Variants in DNAAF11 observed in about 807,000 individuals in gnomAD.
DNAAF11 encodes the protein dynein axonemal assembly factor 11.
DNAAF11 carries 45 observed loss-of-function variants against 60.8 expected under a neutral mutation model. The ratio of observed to expected loss-of-function variants is 0.74; its 90% CI spans 0.58 to 0.95. The LOEUF (loss-of-function observed/expected upper bound fraction) is 0.95, where lower values mean the gene tolerates loss of function less well. Among genes scored for constraint, DNAAF11 ranks in the 40% least tolerant of loss-of-function variants. The pLI is 0.00. For synonymous variants in DNAAF11, 191 were observed against 183.5 expected (o/e 1.04, Z -0.33); for missense variants, 546 against 546.2 (o/e 1.00, Z 0.00).
the DNAAF11 span, among the ~76,000 whole-genome samples, chr8:132,686,809 G>A: frequency 6.6e-6 from 1 of 152,202 alleles, no homozygotes; most frequent in Admixed American, 6.5e-5. Context: ...GAAGAATGGA[G>A]AAGGAATGGA....
intron 1 of DNAAF11, among the ~76,000 whole-genome samples, chr8:132,670,917 A>G (rs915393354): frequency 2.0e-5 from 3 of 152,162 alleles, no homozygotes; most frequent in African/African-American, 4.8e-5. Context: ...TTTTAAAAAG[A>G]CAACAACTCG....
At chr8:132,612,840 T>C (rs1053416277) in intron 8 of DNAAF11, among the ~76,000 whole-genome samples, 6 of 152,140 alleles carry the variant, frequency 3.9e-5, no homozygotes, top group Admixed American at 6.5e-5. Context: ...GACAGAATCA[T>C]GGGAATGAAA....
chr8:132,573,247 T>C (rs1814402989), intron 11 of DNAAF11, among the ~76,000 whole-genome samples: 2 of 152,228 alleles, frequency 1.3e-5, no homozygotes, highest in Admixed American at 6.5e-5. Flanking sequence ...TCAAATGATA[T>C]TGATAATCAG....
chr8:132,625,229 A>G (rs1232128425), intron 6 of DNAAF11, 43 bp downstream of exon 6: 5 of 1,419,916 alleles, frequency 3.5e-6, no homozygotes, highest in African/African-American at 1.4e-5. Context: ...AATATAGTTG[A>G]TAAGTGGCTA....
At chr8:132,623,381 C>G (rs190676936) in intron 6 of DNAAF11, among the ~76,000 whole-genome samples, 26 of 151,676 alleles carry the variant, frequency 1.7e-4, no homozygotes, top group African/African-American at 6.0e-4. Context: ...AAAAAGACCC[C>G]AAATCCTACA....
chr8:132,608,511 T>A, intron 10 of DNAAF11: 1 of 446,538 alleles, frequency 2.2e-6, no homozygotes, highest in Non-Finnish European at 4.5e-6. Flanking sequence ...TTAAGACTCA[T>A]AAACAGTGAC....
chr8:132,681,879 A>G, the DNAAF11 span, among the ~76,000 whole-genome samples: 1 of 152,216 alleles, frequency 6.6e-6, no homozygotes, highest in African/African-American at 2.4e-5. Context: ...TTGAGGGCTC[A>G]AGTATAGGAG....
At chr8:132,583,126 G>A (rs867429135) in intron 11 of DNAAF11, among the ~76,000 whole-genome samples, 6 of 152,102 alleles carry the variant, frequency 3.9e-5, no homozygotes, top group Non-Finnish European at 7.4e-5. Flanking sequence ...GTTGGGAAAG[G>A]AATTTAAGCA....
intron 3 of DNAAF11, among the ~76,000 whole-genome samples, chr8:132,644,927 G>A (rs1321559085): frequency 6.6e-6 from 1 of 152,230 alleles, no homozygotes; most frequent in Non-Finnish European, 1.5e-5. Flanking sequence ...TTGAACAAAA[G>A]ACAGGAGAAA....
chr8:132,678,057 T>C (rs1433283525), upstream of DNAAF11, among the ~76,000 whole-genome samples: 1 of 152,154 alleles, frequency 6.6e-6, no homozygotes, highest in Admixed American at 6.5e-5. Context: ...AGCAGCCCCT[T>C]TGACAACTAG....
intron 7 of DNAAF11, among the ~76,000 whole-genome samples, chr8:132,619,144 T>C (rs577342641): frequency 1.4e-3 from 213 of 152,324 alleles, no homozygotes; most frequent in Admixed American, 2.1e-3. Context: ...TCATGTCCTT[T>C]GTAGGGACAC....
the DNAAF11 span, among the ~76,000 whole-genome samples, chr8:132,685,901 G>A: frequency 6.0e-4 from 91 of 152,240 alleles, no homozygotes; most frequent in African/African-American, 2.1e-3. Flanking sequence ...TTAATCCAAT[G>A]ACCCTTTTTT....
In DNAAF11 at chr8:132,661,488, A is replaced by G; in HGVS notation, c.150T>C (p.Tyr50=). ...DKWCRDLKIL[Y]LQNNLIGKIE... is the part of the protein sequence containing the mutation. ...TTTTCCCAATAAGATTATTTTGAAGATAGAGAATTTTTAAATCCCGGCACC... is the reference window on the plus strand; with the variant it reads ...TTTTCCCAATAAGATTATTTTGAAGGTAGAGAATTTTTAAATCCCGGCACC... Residue 50 remains tyrosine, a synonymous_variant, in exon 2 of 12, where the codon TAT becomes TAC. Coordinates refer to ENST00000620350, the MANE Select transcript of DNAAF11 (RefSeq NM_012472.6). The G allele has an allele frequency of 6.2e-7, 1 of 1,613,240 alleles. No homozygotes were observed. The highest frequency in any genetic ancestry group is 1.7e-5 in the Admixed American group (1 of 59,988).
chr8:132,629,339 C>T (rs1586629683), intron 5 of DNAAF11, among the ~76,000 whole-genome samples: 2 of 147,442 alleles, frequency 1.4e-5, no homozygotes, highest in South Asian at 2.1e-4. Context: ...GATACCCATT[C>T]TCTTTTTTTT....
At chr8:132,623,507 G>T (rs541240419) in intron 6 of DNAAF11, among the ~76,000 whole-genome samples, 2 of 152,096 alleles carry the variant, frequency 1.3e-5, no homozygotes, top group African/African-American at 2.4e-5. Flanking sequence ...AATAAAGGAA[G>T]CAAATAATAG....
chr8:132,625,490 T>C (rs1820169926), intron 5 of DNAAF11, 36 bp from the exon 6 acceptor site: 2 of 1,490,652 alleles, frequency 1.3e-6, no homozygotes, highest in Non-Finnish European at 1.8e-6. Flanking sequence ...AAAACAATAA[T>C]GGATTCATGA....
intron 10 of DNAAF11, among the ~76,000 whole-genome samples, chr8:132,592,319 A>C (rs1431477945): frequency 1.3e-5 from 2 of 152,168 alleles, no homozygotes; most frequent in African/African-American, 4.8e-5. Flanking sequence ...GCTCAGGGAA[A>C]TTTCCCGAGG....
At chr8:132,685,311 C>T in the DNAAF11 span, among the ~76,000 whole-genome samples, 11 of 152,146 alleles carry the variant, frequency 7.2e-5, no homozygotes, top group African/African-American at 2.7e-4. Flanking sequence ...ATGAAATCCA[C>T]AAAAATTAAA....
At chr8:132,615,181 T>A in intron 7 of DNAAF11, 84 bp from the exon 8 acceptor site, 1 of 739,374 alleles carries the variant, frequency 1.4e-6, no homozygotes, top group Non-Finnish European at 2.3e-6. Context: ...ATAAGCAGAT[T>A]AGATAATAAT....
Sources: gnomAD v4.1 joint callset for allele counts (sites outside exome capture counted in the v4.1 genomes callset) on GRCh38, gnomAD v4.1.1 for gene constraint, MANE v1.5 for transcripts, NCBI Gene and HGNC (gene_info 2026-07-23, HGNC 2026-07-21) for gene names.